The following FHAD1 variants were observed in gnomAD, a reference collection of about 807,000 sequenced individuals.
FHAD1 encodes the protein forkhead associated phosphopeptide binding domain 1, also known as forkhead-associated domain-containing protein 1.
A neutral mutation model predicts 191.3 loss-of-function variants in FHAD1; 146 were observed. The observed-to-expected ratio is 0.76, with a 90% CI of 0.67 to 0.88. FHAD1 has a LOEUF of 0.88. FHAD1 is among the 40% of genes least tolerant of loss of function. The probability of loss-of-function intolerance (pLI) is 0.00; values close to 1 mark genes in which losing one functional copy is unlikely to be tolerated. For missense variants in FHAD1, 1,635 were observed against 1,785.8 expected (o/e 0.92, Z 1.52); for synonymous variants, 616 against 672.3 (o/e 0.92, Z 1.29).
At chr1:15,361,159 A>G (rs990489087) in intron 22 of FHAD1, among the ~76,000 whole-genome samples, 1 of 152,200 alleles carries the variant, frequency 6.6e-6, no homozygotes, top group African/African-American at 2.4e-5. Context: ...ACTTGTGAGC[A>G]CTTATTTGCC....
chr1:15,308,882 TC>T lies in FHAD1; in HGVS notation c.1039+148del, dbSNP rs1157203016. 5 of 1,271,108 alleles carry T rather than the reference TC, an allele frequency of 3.9e-6. No homozygotes were observed. In the Middle Eastern group the frequency reaches 8.4e-4, roughly 213 times the overall value. 78.7% of individuals were successfully genotyped at this position (1,271,108 alleles called of 1,614,324 possible). On this transcript the variant is annotated intron_variant, in intron 7 of 33. Coordinates refer to ENST00000688493, the MANE Select transcript of FHAD1 (RefSeq NM_001391957.1). Reference sequence around the variant, plus strand: ...TCTTCCCAGCAGCCCTTTAGGCAGTTCCTGTCCATGAATCTGAGTTCACCCT... The same window carrying T: ...TCTTCCCAGCAGCCCTTTAGGCAGTTCTGTCCATGAATCTGAGTTCACCCT...
At chr1:15,277,993 C>T (rs1387299363) in intron 3 of FHAD1, among the ~76,000 whole-genome samples, 2 of 152,130 alleles carry the variant, frequency 1.3e-5, no homozygotes, top group Non-Finnish European at 2.9e-5. Context: ...AAACGTAACA[C>T]ATTTTTCGGG....
chr1:15,359,720 G>A (rs1310370761), intron 21 of FHAD1, among the ~76,000 whole-genome samples: 1 of 152,082 alleles, frequency 6.6e-6, no homozygotes, highest in Admixed American at 6.5e-5. Flanking sequence ...GGAGGCCGAG[G>A]CGGGCGGATC....
chr1:15,316,289 G>T lies in FHAD1; in HGVS notation c.1171-89G>T. On this transcript the variant is annotated intron_variant, in intron 8 of 33. Coordinates refer to ENST00000688493, the MANE Select transcript of FHAD1 (RefSeq NM_001391957.1). This position sits in a 1 kb window ranked among gnomAD's most constrained non-coding sequence, Gnocchi z 4.3. ...GAAACAGCAGGAAATGCTCTCAGGG[G>T]CTCACATGGGGCCTTGGAGCCCCTC... 5.0e-6 allele frequency: 5 copies of T among 1,002,658 alleles called. No homozygotes were observed. Among genetic ancestry groups the T allele is most frequent in the Non-Finnish European group, 7.6e-6 (5 of 659,802 alleles). The allele number at this position is 1,002,658 out of a possible 1,614,324, so 62.1% of individuals were successfully genotyped here.
chr1:15,292,898 G>A (rs142948121), intron 4 of FHAD1, among the ~76,000 whole-genome samples: 2 of 152,172 alleles, frequency 1.3e-5, no homozygotes, highest in East Asian at 1.9e-4. Flanking sequence ...AAGACCAGCT[G>A]GGGAAACACA....
chr1:15,401,263 A>G (rs1707118661), downstream of FHAD1, among the ~76,000 whole-genome samples: 1 of 152,298 alleles, frequency 6.6e-6, no homozygotes, highest in South Asian at 2.1e-4. Context: ...TTTCTTCCCT[A>G]TAGGTGCCCT....
chr1:15,259,736 G>A (rs1650104169), intron 2 of FHAD1, among the ~76,000 whole-genome samples: 1 of 152,198 alleles, frequency 6.6e-6, no homozygotes, highest in Non-Finnish European at 1.5e-5. Context: ...TTCCTGGGAA[G>A]AGGTGTGCTG....
At chr1:15,321,324 C>T (rs1211605852) in intron 10 of FHAD1, among the ~76,000 whole-genome samples, 1 of 152,168 alleles carries the variant, frequency 6.6e-6, no homozygotes, top group South Asian at 2.1e-4. Context: ...AAGACAATAG[C>T]ACGCATTCGT....
chr1:15,345,829 G>A (rs890211342), intron 18 of FHAD1, among the ~76,000 whole-genome samples: 2 of 152,128 alleles, frequency 1.3e-5, no homozygotes, highest in Admixed American at 6.5e-5. Context: ...GCACAGAAAC[G>A]GGAGAATGAC....
chr1:15,387,484 C>T (rs1702424072), intron 31 of FHAD1, among the ~76,000 whole-genome samples: 2 of 152,250 alleles, frequency 1.3e-5, no homozygotes. Flanking sequence ...TGCGGTGGCT[C>T]ACGCCTGTAA....
At chr1:15,264,859 A>AT (rs1352113202) in intron 2 of FHAD1, among the ~76,000 whole-genome samples, 1 of 151,860 alleles carries the variant, frequency 6.6e-6, no homozygotes, top group African/African-American at 2.4e-5. Context: ...TATTCCTAGT[A>AT]TTTTTTTGTG....
In FHAD1 at chr1:15,311,372, A is replaced by C. The variant is rs1672222847; in HGVS notation, c.1040-1685A>C. On this transcript the variant is annotated intron_variant, in intron 7 of 33. Transcript: ENST00000688493. This position sits in a 1 kb window ranked among gnomAD's most constrained non-coding sequence, Gnocchi z 4.1. ...AGGAGGAGCAGAGGGAACCATCTCG[A>C]AGCCCACGTAGGCCTGAGAGTAGCT... Among the ~76,000 whole-genome samples, 1 of 152,192 alleles carries C rather than the reference A, an allele frequency of 6.6e-6. No homozygotes were observed. The highest frequency in any genetic ancestry group is 1.9e-4 in the East Asian group (1 of 5,194).
chr1:15,259,875 C>T (rs1292901435), intron 2 of FHAD1, among the ~76,000 whole-genome samples: 1 of 152,098 alleles, frequency 6.6e-6, no homozygotes, highest in Non-Finnish European at 1.5e-5. Context: ...CCAGAAAGGG[C>T]CCCCCTCTCC....
At chr1:15,397,250 G>T (rs1284969151) in intron 33 of FHAD1, 47 bp from the exon 34 acceptor site, 4 of 886,792 alleles carry the variant, frequency 4.5e-6, no homozygotes, top group African/African-American at 3.3e-5. Flanking sequence ...AACAATTGGA[G>T]TCTTGCTGCA....
At chr1:15,267,887 A>G (rs1013400436) in intron 2 of FHAD1, among the ~76,000 whole-genome samples, 3 of 147,812 alleles carry the variant, frequency 2.0e-5, no homozygotes, top group African/African-American at 7.3e-5. Flanking sequence ...AAATATATTG[A>G]TATGATATAA....
chr1:15,361,833 C>A (rs1238883873), intron 22 of FHAD1, among the ~76,000 whole-genome samples: 1 of 151,916 alleles, frequency 6.6e-6, no homozygotes, highest in East Asian at 1.9e-4. Context: ...GGTGAAACCC[C>A]GTCTCTACTA....
At chr1:15,317,116 G>A (rs536397602) in intron 9 of FHAD1, among the ~76,000 whole-genome samples, 115 of 152,274 alleles carry the variant, frequency 7.6e-4, no homozygotes, top group African/African-American at 2.7e-3. Flanking sequence ...GCTCAAACCC[G>A]GGAGGCAGAG....
intron 26 of FHAD1, among the ~76,000 whole-genome samples, chr1:15,371,188 C>G (rs1248878788): frequency 1.3e-5 from 2 of 152,164 alleles, no homozygotes; most frequent in South Asian, 2.1e-4. Context: ...CCTTCAACAA[C>G]TATTGAGCAC....
rs1039091651 is a variant in FHAD1 at position 15,327,332 on chromosome 1, A to C, written c.1557+190A>C. On this transcript the variant is annotated intron_variant, in intron 12 of 33. Transcript: ENST00000688493. The surrounding 1 kb of genome is among the most constrained non-coding windows in gnomAD (Gnocchi z 5.1). ...TGGCTTTTAAAGTAAAAGCCAGTTA[A>C]AACTCCCTTGAAATGTGTCTGTGAA... 2 of 550,464 alleles carry C rather than the reference A, an allele frequency of 3.6e-6. No homozygotes were observed. Among genetic ancestry groups the C allele is most frequent in the African/African-American group, 3.8e-5 (2 of 52,154 alleles). 34.1% of individuals were successfully genotyped at this position (550,464 alleles called of 1,614,324 possible).
Sources: allele counts gnomAD v4.1 joint callset (sites outside exome capture counted in the v4.1 genomes callset), GRCh38; gene constraint gnomAD v4.1.1; non-coding constraint Gnocchi (gnomAD v3.1); transcripts MANE v1.5; gene names NCBI Gene and HGNC (gene_info 2026-07-23, HGNC 2026-07-21).